CARD8: variants seen among roughly 807,000 people sequenced by gnomAD.
CARD8 encodes the protein caspase recruitment domain-containing protein 8.
In CARD8, 38 loss-of-function variants were observed where a neutral mutation model predicts 53.2. The ratio of observed to expected loss-of-function variants is 0.71; its 90% CI spans 0.55 to 0.94. The LOEUF (loss-of-function observed/expected upper bound fraction) is 0.94. CARD8 is among the 40% of genes least tolerant of loss of function. The probability of loss-of-function intolerance (pLI) is 0.00; values close to 1 mark genes in which losing one functional copy is unlikely to be tolerated. For synonymous variants in CARD8, 245 were observed against 244.9 expected (o/e 1.00, Z 0.00); for missense variants, 561 against 655.5 (o/e 0.86, Z 1.57).
intron 10 of CARD8, among the ~76,000 whole-genome samples, chr19:48,224,756 C>T (rs1277467751): frequency 1.5e-5 from 2 of 135,234 alleles, no homozygotes; most frequent in African/African-American, 5.5e-5. Context: ...TCACCTTGTG[C>T]TTTTTTTTTT....
chr19:48,211,092 TAC>T lies in CARD8; in HGVS notation c.*616_*617del, dbSNP rs1213277425. 1 of 152,572 alleles carries T rather than the reference TAC, an allele frequency of 6.6e-6. No homozygotes were observed. The highest frequency in any genetic ancestry group is 1.9e-4 in the East Asian group (1 of 5,324). 9.5% of individuals were successfully genotyped at this position (152,572 alleles called of 1,614,324 possible). A position where few individuals can be genotyped will look rare whatever the true frequency, so the allele number is the denominator to read the frequency against. On this transcript the variant is annotated 3_prime_UTR_variant, in exon 14 of 14. Coordinates refer to ENST00000651546, the MANE Select transcript of CARD8 (RefSeq NM_001184900.3). ...AACCCAACAACTCCTTGTAGCAGGC[TAC>T]ACACCAGTGGGAAAATATTTTCTGC...
At chr19:48,216,935 G>C (rs2039425246) in intron 12 of CARD8, among the ~76,000 whole-genome samples, 1 of 152,120 alleles carries the variant, frequency 6.6e-6, no homozygotes, top group South Asian at 2.1e-4. Context: ...TGTAGAATCA[G>C]TGGGAGCCCT....
chr19:48,234,162 G>A (rs760459332), intron 6 of CARD8: 5 of 444,740 alleles, frequency 1.1e-5, no homozygotes, highest in Non-Finnish European at 2.0e-5. Context: ...TAACCCACTG[G>A]TCTTCGATTG....
Position 48,230,633 on chromosome 19 carries a change from A to G in CARD8, c.840T>C (p.His280=), listed in dbSNP as rs1442118375. The G allele has an allele frequency of 7.4e-6, 12 of 1,613,980 alleles. No individual in the cohort carries two copies. Among genetic ancestry groups the G allele is most frequent in the Non-Finnish European group, 9.3e-6 (11 of 1,180,028 alleles). Residue 280 remains histidine (H), a synonymous_variant, in exon 10 of 14, where the codon CAT becomes CAC. Coordinates refer to ENST00000651546, the MANE Select transcript of CARD8 (RefSeq NM_001184900.3). The part of the protein sequence containing the change: ...HFKNEGMVLE[H]PARVEPFYAV... ...CATAGAAAGGCTCCACCCGGGCTGG[A>G]TGCTCCAGGACCATCCCTTCATTCT...
chr19:48,225,721 TAGG>T (rs1453596990), intron 10 of CARD8, among the ~76,000 whole-genome samples: 1 of 151,724 alleles, frequency 6.6e-6, no homozygotes, highest in Admixed American at 6.6e-5. Flanking sequence ...AAGAGAGTGA[TAGG>T]AGATGGATAA....
rs1442704668 is a variant in CARD8, at chr19:48,211,974, A to G, written c.1350T>C (p.Gly450=). The G allele has an allele frequency of 1.2e-6, 2 of 1,612,416 alleles. No individual in the cohort carries two copies. Among genetic ancestry groups the G allele is most frequent in the East Asian group, 2.2e-5 (1 of 44,884 alleles). ...GGTGGTTCTCCTTCACAAAGGCTGC[A>G]CCTGGATGAAAGGGGGAGTTTCAGA... ...VAASAPPPFS[G]AAFVKENHRQ... is the part of the protein sequence containing the mutation. Residue 450 remains glycine (G), a splice_region_variant and synonymous_variant, in exon 14 of 14, where the codon GGT becomes GGC. Coordinates refer to ENST00000651546, the MANE Select transcript of CARD8 (RefSeq NM_001184900.3).
At chr19:48,255,764 C>T (rs1967187703) in intron 1 of CARD8, 28 bp downstream of exon 1, 1 of 152,300 alleles carries the variant, frequency 6.6e-6, no homozygotes, top group Non-Finnish European at 1.5e-5. Context: ...GTTTCTCCTT[C>T]CTGTACACTA....
downstream of CARD8, among the ~76,000 whole-genome samples, chr19:48,205,934 G>A (rs528343573): frequency 6.6e-6 from 1 of 152,156 alleles, no homozygotes; most frequent in African/African-American, 2.4e-5. Flanking sequence ...GTCTCACTCT[G>A]TCACCCAGGC....
intron 12 of CARD8, among the ~76,000 whole-genome samples, chr19:48,217,147 T>A (rs2039489491): frequency 6.6e-6 from 1 of 152,112 alleles, no homozygotes; most frequent in African/African-American, 2.4e-5. Context: ...ATGCAAGCAA[T>A]GGGGAGCAGC....
At chr19:48,224,814 G>A (rs988946762) in intron 10 of CARD8, among the ~76,000 whole-genome samples, 2 of 148,596 alleles carry the variant, frequency 1.3e-5, no homozygotes, top group African/African-American at 5.0e-5. Flanking sequence ...GGAGTGCAGT[G>A]GTGCGATCTC....
At chr19:48,239,027 CT>C (rs749331890) in intron 4 of CARD8, among the ~76,000 whole-genome samples, 1 of 152,206 alleles carries the variant, frequency 6.6e-6, no homozygotes, top group Non-Finnish European at 1.5e-5. Flanking sequence ...TGAAAGGATA[CT>C]GTGTTTTTGT....
intron 13 of CARD8, 114 bp from the exon 14 acceptor site, chr19:48,212,089 G>A (rs11669386): frequency 0.52 from 488,105 of 947,458 alleles, 130,967 homozygotes; most frequent in Non-Finnish European, 0.56. Flanking sequence ...TGTGTCTGTA[G>A]CTTAATTTGT....
chr19:48,232,015 A>C (rs2146264065), intron 7 of CARD8: 1 of 664,452 alleles, frequency 1.5e-6, no homozygotes, highest in East Asian at 2.9e-5. Flanking sequence ...AAACGTATAC[A>C]CCAAATTCCA....
At chr19:48,251,881 C>T (rs1214777354) in intron 1 of CARD8, among the ~76,000 whole-genome samples, 1 of 152,130 alleles carries the variant, frequency 6.6e-6, no homozygotes, top group African/African-American at 2.4e-5. Flanking sequence ...CAGCCCTAGC[C>T]TCTCTTCCCA....
At chr19:48,233,319 C>T (rs2043251343) in intron 6 of CARD8, 1 of 456,228 alleles carries the variant, frequency 2.2e-6, no homozygotes, top group Middle Eastern at 3.3e-4. Context: ...GCCTTTGATC[C>T]ATTCCTTGAG....
chr19:48,240,834 T>G, intron 4 of CARD8, 128 bp downstream of exon 4: 1 of 763,128 alleles, frequency 1.3e-6, no homozygotes, highest in Non-Finnish European at 2.1e-6. Flanking sequence ...CAGAGATGGG[T>G]GAATGAATAA....
At chr19:48,213,831 G>A (rs948709403) in intron 13 of CARD8, among the ~76,000 whole-genome samples, 5 of 152,046 alleles carry the variant, frequency 3.3e-5, no homozygotes, top group South Asian at 4.1e-4. Flanking sequence ...AATCATCCAC[G>A]CTGTTTTGAA....
At chr19:48,251,475 C>T (rs1469930291) in intron 1 of CARD8, among the ~76,000 whole-genome samples, 1 of 152,168 alleles carries the variant, frequency 6.6e-6, no homozygotes, top group Non-Finnish European at 1.5e-5. Context: ...GGATCACCAA[C>T]ATGCTAATCT....
chr19:48,240,871 A>T (rs2044878268), intron 4 of CARD8, 91 bp downstream of exon 4: 1 of 1,044,654 alleles, frequency 9.6e-7, no homozygotes, highest in Non-Finnish European at 1.4e-6. Flanking sequence ...TTCTTCCAGA[A>T]AACATCCATG....
Sources: gnomAD v4.1 joint callset for allele counts (sites outside exome capture counted in the v4.1 genomes callset) on GRCh38, gnomAD v4.1.1 for gene constraint, MANE v1.5 for transcripts, NCBI Gene and HGNC (gene_info 2026-07-23, HGNC 2026-07-21) for gene names.